The following RUVBL1 variants were observed in gnomAD, a reference collection of about 807,000 sequenced individuals.
RUVBL1 encodes ruvB-like 1.
In RUVBL1, 4 loss-of-function variants were observed where a neutral mutation model predicts 52.4. That is an observed-to-expected ratio of 0.08 (90% CI 0.04 to 0.17). RUVBL1 has a LOEUF of 0.17. Ranked by LOEUF, RUVBL1 falls within the 10% of genes least tolerant of loss-of-function variation. The pLI is 1.00. For synonymous variants in RUVBL1, 217 were observed against 214.4 expected, an observed-to-expected ratio of 1.01 and a Z score of -0.10; for missense variants, 298 against 572.8, an observed-to-expected ratio of 0.52 and a Z score of 4.90.
downstream of RUVBL1, chr3:128,076,165 C>G (rs1352726885): frequency 6.6e-6 from 1 of 152,354 alleles, no homozygotes; most frequent in Non-Finnish European, 1.5e-5. The surrounding 1 kb of genome is among the most constrained non-coding windows in gnomAD (Gnocchi z 6.8). Context: ...TCTGGAGGGG[C>G]AGTGCCTCAG....
chr3:128,153,395 C>T lies in RUVBL1; in HGVS notation c.-232G>A. 3 of 1,393,542 alleles carry T rather than the reference C, an allele frequency of 2.2e-6. No individual in the cohort carries two copies. In the South Asian group the frequency reaches 4.8e-5, roughly 22 times the overall value. 86.3% of individuals were successfully genotyped at this position (1,393,542 alleles called of 1,614,324 possible). ...GAGGGCGGAAGCTTCCGGGCCGGAA[C>T]GGGTGTGCACAGCGCGCCGGTTACG... On this transcript the variant is annotated 5_prime_UTR_variant, in exon 1 of 10. Transcript: ENST00000464873.
intron 3 of RUVBL1, among the ~76,000 whole-genome samples, chr3:128,106,554 C>T (rs1468173818): frequency 6.6e-6 from 1 of 152,088 alleles, no homozygotes; most frequent in Non-Finnish European, 1.5e-5. Context: ...ACGGCAATGC[C>T]ATAACTTGCA....
chr3:128,072,733 C>T (rs1019608070), intron 9 of RUVBL1, among the ~76,000 whole-genome samples: 10 of 152,142 alleles, frequency 6.6e-5, no homozygotes, highest in African/African-American at 2.4e-4. Context: ...AACCTGCTGC[C>T]CCAGGGAAGC....
chr3:128,130,608 AAAAAAAT>A (rs1559833093), intron 1 of RUVBL1, among the ~76,000 whole-genome samples: 43 of 143,518 alleles, frequency 3.0e-4, no homozygotes, highest in African/African-American at 1.1e-3. Flanking sequence ...AAAAAAAAAA[AAAAAAAT>A]TTTATTTATT....
upstream of RUVBL1, among the ~76,000 whole-genome samples, chr3:128,125,668 G>A (rs1196318145): frequency 6.6e-6 from 1 of 152,218 alleles, no homozygotes; most frequent in Non-Finnish European, 1.5e-5. Flanking sequence ...ATCAGTGAAT[G>A]GAATCTTTTG....
At chr3:128,098,849 C>A (rs1258812997) in intron 7 of RUVBL1, 33 bp downstream of exon 7, 2 of 1,599,698 alleles carry the variant, frequency 1.3e-6, no homozygotes, top group Non-Finnish European at 1.7e-6. Flanking sequence ...CTCCGCCCTG[C>A]CCCTTGCTCA....
intron 6 of RUVBL1, among the ~76,000 whole-genome samples, chr3:128,100,332 C>A (rs942844449): frequency 6.6e-6 from 1 of 152,188 alleles, no homozygotes; most frequent in African/African-American, 2.4e-5. Context: ...TGGAGTGAAG[C>A]CATGGAGGAA....
At chr3:128,064,914 T>C in exon 10 of RUVBL1, 1 of 1,613,070 alleles carries the variant, frequency 6.2e-7, no homozygotes, top group Non-Finnish European at 8.5e-7. Flanking sequence ...CACTTTTCCA[T>C]CTGCTGGCCA....
In RUVBL1 at chr3:128,082,755, G is replaced by T; in HGVS notation, c.1120-181C>A. 1 of 559,352 alleles carries T rather than the reference G, an allele frequency of 1.8e-6. No individual in the cohort carries two copies. The highest frequency in any genetic ancestry group is 3.2e-6 in the Non-Finnish European group (1 of 311,712). 34.6% of individuals were successfully genotyped at this position (559,352 alleles called of 1,614,324 possible). On this transcript the variant is annotated intron_variant, in intron 9 of 10. Transcript: ENST00000322623. This position sits in a 1 kb window ranked among gnomAD's most constrained non-coding sequence, Gnocchi z 4.7. The stretch of plus-strand genomic sequence containing the variant: ...CTGCCGGCCCGGCACCCTCCAGGAG[G>T]CATGTGCGGCCCTGCAGTATGCATG...
intron 6 of RUVBL1, 150 bp downstream of exon 6, chr3:128,100,445 G>T: frequency 1.2e-6 from 1 of 831,920 alleles, no homozygotes. Context: ...GTCCCTCGTA[G>T]CTCATGTCGA....
At chr3:128,126,628 T>G (rs1943797592), upstream of RUVBL1, among the ~76,000 whole-genome samples, 1 of 151,646 alleles carries the variant, frequency 6.6e-6, no homozygotes, top group African/African-American at 2.4e-5. Flanking sequence ...AGGGACAGGG[T>G]TTGTCCAAGG....
intron 3 of RUVBL1, among the ~76,000 whole-genome samples, chr3:128,109,903 C>T (rs1487492515): frequency 1.3e-5 from 2 of 149,620 alleles, no homozygotes; most frequent in African/African-American, 2.5e-5. Context: ...GTAACCTCCA[C>T]CTCCCGGGTT....
Position 128,067,907 on chromosome 3 carries a change from C to A in RUVBL1, c.940-2687G>T. ...CAGTGCTCGAAGAGGCGATCTGTAA[C>A]TGTTCAGTACCACTTGGAATGCCTA... On this transcript the variant is annotated intron_variant, in intron 9 of 9. Coordinates refer to the RUVBL1 transcript ENST00000464873. The surrounding 1 kb of genome is among the most constrained non-coding windows in gnomAD (Gnocchi z 4.1). 8.7e-7 allele frequency: 1 copy of A among 1,148,714 alleles called. No homozygotes were observed. The highest frequency in any genetic ancestry group is 1.3e-6 in the Non-Finnish European group (1 of 760,118). 71.2% of individuals were successfully genotyped at this position (1,148,714 alleles called of 1,614,324 possible).
At chr3:128,087,033 T>C (rs1942663067) in intron 9 of RUVBL1, among the ~76,000 whole-genome samples, 1 of 152,256 alleles carries the variant, frequency 6.6e-6, no homozygotes, top group Admixed American at 6.5e-5. Flanking sequence ...CAGGTGCTCT[T>C]CTAAGCTGTA....
At chr3:128,107,948 C>G (rs1159179785) in intron 3 of RUVBL1, among the ~76,000 whole-genome samples, 1 of 152,234 alleles carries the variant, frequency 6.6e-6, no homozygotes, top group African/African-American at 2.4e-5. Flanking sequence ...ATTCCCGTCT[C>G]TCACTAGCCC....
rs569769466 is a variant in RUVBL1, at chr3:128,081,184, G to A, written c.*66C>T. On this transcript the variant is annotated 3_prime_UTR_variant, in exon 11 of 11. Transcript: ENST00000322623. The surrounding 1 kb of genome is among the most constrained non-coding windows in gnomAD (Gnocchi z 4.8). Reference sequence around the variant, plus strand: ...GGCAGCCCCAAGCCCAGGGGCAAGCGCCCACAGGCTGGACCCAGGCCAGGC... The same window carrying A: ...GGCAGCCCCAAGCCCAGGGGCAAGCACCCACAGGCTGGACCCAGGCCAGGC... The A allele has an allele frequency of 1.2e-4, 185 of 1,545,170 alleles. No individual in the cohort carries two copies. In the Middle Eastern group the frequency reaches 1.8e-3, roughly 15 times the overall value.
At chr3:128,096,259 C>T (rs939872046) in intron 8 of RUVBL1, among the ~76,000 whole-genome samples, 6 of 152,202 alleles carry the variant, frequency 3.9e-5, no homozygotes, top group Admixed American at 2.0e-4. Flanking sequence ...AGCAATAAAA[C>T]TACCAGGTAC....
At chr3:128,096,463 CA>C (rs1942971834) in intron 8 of RUVBL1, among the ~76,000 whole-genome samples, 2 of 152,108 alleles carry the variant, frequency 1.3e-5, no homozygotes, top group Non-Finnish European at 2.9e-5. Flanking sequence ...AAAGGCAGGC[CA>C]AAGGGATGGG....
chr3:128,131,440 T>G (rs768071844), intron 1 of RUVBL1, among the ~76,000 whole-genome samples: 1 of 152,090 alleles, frequency 6.6e-6, no homozygotes, highest in Non-Finnish European at 1.5e-5. Context: ...ATCACGTCAC[T>G]GCACTCCAGC....
Sources: gnomAD v4.1 joint callset for allele counts (sites outside exome capture counted in the v4.1 genomes callset) on GRCh38, gnomAD v4.1.1 for gene constraint, Gnocchi (gnomAD v3.1) non-coding constraint, MANE v1.5 for transcripts, NCBI Gene and HGNC (gene_info 2026-07-23, HGNC 2026-07-21) for gene names.